MYO5C: variants seen among roughly 807,000 people sequenced by gnomAD.
MYO5C encodes unconventional myosin-Vc.
MYO5C carries 194 observed loss-of-function variants against 235.7 expected under a neutral mutation model. The ratio of observed to expected loss-of-function variants is 0.82; its 90% CI spans 0.73 to 0.93. The LOEUF (loss-of-function observed/expected upper bound fraction) is 0.93, where lower values mean the gene tolerates loss of function less well. Among genes scored for constraint, MYO5C ranks in the 40% least tolerant of loss-of-function variants. The probability of loss-of-function intolerance (pLI) is 0.00; values close to 1 mark genes in which losing one functional copy is unlikely to be tolerated. For missense variants in MYO5C, 2,038 were observed against 2,127.2 expected, an observed-to-expected ratio of 0.96 and a Z score of 0.82; for synonymous variants, 707 against 754.8, an observed-to-expected ratio of 0.94 and a Z score of 1.04.
intron 22 of MYO5C, chr15:52,236,973 A>G (rs1253522668): frequency 6.6e-6 from 1 of 152,052 alleles, no homozygotes; most frequent in Non-Finnish European, 1.5e-5. Context: ...TTATATGAGG[A>G]AACTAAAATT....
At chr15:52,211,919 A>T (rs1432902585) in intron 34 of MYO5C, 35 bp from the exon 35 acceptor site, 20 of 1,602,520 alleles carry the variant, frequency 1.2e-5, no homozygotes, top group Non-Finnish European at 1.7e-5. Context: ...ATTACAGCTG[A>T]CAGGTCAGCT....
intron 10 of MYO5C, among the ~76,000 whole-genome samples, chr15:52,260,312 T>C (rs2036665825): frequency 6.6e-6 from 1 of 151,592 alleles, no homozygotes; most frequent in Non-Finnish European, 1.5e-5. Flanking sequence ...GGTAGGGGGG[T>C]GGTTGATCAG....
At chr15:52,221,776 G>GT (rs954839499) in intron 29 of MYO5C, among the ~76,000 whole-genome samples, 16 of 151,884 alleles carry the variant, frequency 1.1e-4, no homozygotes, top group African/African-American at 1.5e-4. Flanking sequence ...TTAAAACAGG[G>GT]TTTTTTTTCC....
At position 52,282,809 on chromosome 15, in the gene MYO5C, G is replaced by A. The variant is rs185296203; in HGVS notation, c.111C>T (p.Val37=). ...IAKDYRVGDK[V]LRLLLEDGTE... is the part of the protein sequence containing the mutation. ...TTCCATCCTCCAGCAGGAGTCGCAG[G>A]ACCTTGTCACCAACTCTGTAGTCCT... is the stretch of plus-strand genomic sequence containing the variant. The change falls in exon 2 of 41, where the codon GTC becomes GTT. Residue 37 remains valine (V), a synonymous_variant. Coordinates refer to ENST00000261839, the MANE Select transcript of MYO5C (RefSeq NM_018728.4). 7 of 1,613,302 alleles carry A rather than the reference G, an allele frequency of 4.3e-6. No homozygotes were observed. The highest frequency in any genetic ancestry group is 4.5e-5 in the East Asian group (2 of 44,882).
chr15:52,192,772 TG>T lies in MYO5C; in HGVS notation c.*1129del, dbSNP rs1339833083. On this transcript the variant is annotated 3_prime_UTR_variant, in exon 41 of 41. Transcript: ENST00000261839. ...TGAGAAAATTTAAAAATAAATACATTGAAATGCTGATTAGAGAGCGAAAGTA... is the reference window on the plus strand; with the variant it reads ...TGAGAAAATTTAAAAATAAATACATTAAATGCTGATTAGAGAGCGAAAGTA... The T allele has an allele frequency of 2.1e-4, 32 of 152,134 alleles. No homozygotes were observed. The highest frequency in any genetic ancestry group is 2.1e-3 in the Admixed American group (32 of 15,272). The allele number at this position is 152,134 out of a possible 1,614,324, so 9.4% of individuals were successfully genotyped here. A position where few individuals can be genotyped will look rare whatever the true frequency, so the allele number is the denominator to read the frequency against.
intron 16 of MYO5C, among the ~76,000 whole-genome samples, chr15:52,246,597 G>A (rs942866677): frequency 6.6e-6 from 1 of 152,132 alleles, no homozygotes; most frequent in African/African-American, 2.4e-5. Context: ...TCATGTCTGA[G>A]GACAAATGTT....
At chr15:52,291,675 G>A (rs914251827) in intron 1 of MYO5C, among the ~76,000 whole-genome samples, 1 of 148,618 alleles carries the variant, frequency 6.7e-6, no homozygotes, top group Admixed American at 6.8e-5. Context: ...AAGAAAGACC[G>A]TCCAATCTTT....
chr15:52,209,474 T>C (rs16964770), intron 35 of MYO5C, among the ~76,000 whole-genome samples: 5,398 of 152,102 alleles, frequency 0.035, 332 homozygotes, highest in African/African-American at 0.12. Context: ...TATGGGCACA[T>C]TGCTGTAACT....
At chr15:52,232,210 A>AG (rs2035970593) in intron 24 of MYO5C, among the ~76,000 whole-genome samples, 1 of 97,346 alleles carries the variant, frequency 1.0e-5, no homozygotes, top group African/African-American at 2.9e-5. Flanking sequence ...AAGGAAGGAA[A>AG]AGAAAGAAAA....
Position 52,295,689 on chromosome 15 carries a change from G to C in MYO5C, c.-53C>G. 1.6e-6 allele frequency: 2 copies of C among 1,261,614 alleles called. No individual in the cohort carries two copies. Among genetic ancestry groups the C allele is most frequent in the South Asian group, 1.8e-5 (1 of 54,678 alleles). 78.2% of individuals were successfully genotyped at this position (1,261,614 alleles called of 1,614,324 possible). ...GGCTGCCGAACGTGCGAGGCTCGGG[G>C]GCTGGGCCTGCGCCGCAGAGGCCGG... is the stretch of plus-strand genomic sequence containing the variant. On this transcript the variant is annotated 5_prime_UTR_variant, in exon 1 of 41. Transcript: ENST00000261839.
chr15:52,203,464 G>A (rs1161752672), intron 38 of MYO5C, among the ~76,000 whole-genome samples: 1 of 152,070 alleles, frequency 6.6e-6, no homozygotes, highest in African/African-American at 2.4e-5. Flanking sequence ...TCCTGCCTCG[G>A]CCTCCCGAGT....
At chr15:52,248,515 G>A (rs531635905) in intron 14 of MYO5C, among the ~76,000 whole-genome samples, 185 bp downstream of exon 14, 1 of 152,136 alleles carries the variant, frequency 6.6e-6, no homozygotes, top group East Asian at 1.9e-4. Context: ...TTCTGATTTT[G>A]CATATAGTAG....
intron 16 of MYO5C, 127 bp from the exon 17 acceptor site, chr15:52,246,169 C>T (rs1338845494): frequency 7.2e-6 from 5 of 695,172 alleles, no homozygotes; most frequent in Non-Finnish European, 1.2e-5. Context: ...TAATAAGTTT[C>T]TATTGCATGA....
At chr15:52,275,826 C>A in intron 4 of MYO5C, 108 bp from the exon 5 acceptor site, 1 of 1,072,140 alleles carries the variant, frequency 9.3e-7, no homozygotes. Flanking sequence ...TGTTTTGTCA[C>A]TCTACTATTT....
intron 1 of MYO5C, among the ~76,000 whole-genome samples, chr15:52,291,748 T>TTTTTTTTTG (rs2037398572): frequency 8.9e-6 from 1 of 111,780 alleles, no homozygotes; most frequent in Non-Finnish European, 1.9e-5. Flanking sequence ...TTTTTTTTTT[T>TTTTTTTTTG]TTTTTTTTGA....
At chr15:52,254,757 G>C (rs1415735221) in intron 11 of MYO5C, among the ~76,000 whole-genome samples, 1 of 152,028 alleles carries the variant, frequency 6.6e-6, no homozygotes, top group Non-Finnish European at 1.5e-5. Flanking sequence ...GTGATTTTTG[G>C]CAAGACATCT....
chr15:52,229,031 G>T, intron 25 of MYO5C, 102 bp downstream of exon 25: 1 of 1,355,538 alleles, frequency 7.4e-7, no homozygotes, highest in South Asian at 1.4e-5. Flanking sequence ...AGTTGCCTGT[G>T]GCCTTTACAC....
Position 52,193,861 on chromosome 15 carries a change from A to G in MYO5C, c.*41T>C. ...AACACATCCCTCATATTGAACCTTCACTTAGCTTTTGAAGAAAAAGTGCAT... is the reference window on the plus strand; with the variant it reads ...AACACATCCCTCATATTGAACCTTCGCTTAGCTTTTGAAGAAAAAGTGCAT... On this transcript the variant is annotated 3_prime_UTR_variant, in exon 41 of 41. Transcript: ENST00000261839. 6.3e-7 allele frequency: 1 copy of G among 1,588,278 alleles called. No individual in the cohort carries two copies. The highest frequency in any genetic ancestry group is 8.5e-7 in the Non-Finnish European group (1 of 1,170,890).
intron 1 of MYO5C, among the ~76,000 whole-genome samples, chr15:52,293,354 T>C (rs2037433067): frequency 6.6e-6 from 1 of 152,142 alleles, no homozygotes; most frequent in African/African-American, 2.4e-5. Flanking sequence ...TTCTCCCACC[T>C]TGGTGAGACC....
Sources: allele counts gnomAD v4.1 joint callset (sites outside exome capture counted in the v4.1 genomes callset), GRCh38; gene constraint gnomAD v4.1.1; transcripts MANE v1.5; gene names NCBI Gene and HGNC (gene_info 2026-07-23, HGNC 2026-07-21).